Variants in HSD17B12 observed in about 807,000 individuals in gnomAD.
HSD17B12 encodes the protein hydroxysteroid 17-beta dehydrogenase 12, also known as very-long-chain 3-oxoacyl-CoA reductase.
A neutral mutation model predicts 39.3 loss-of-function variants in HSD17B12; 32 were observed. The ratio of observed to expected loss-of-function variants is 0.81; its 90% CI spans 0.61 to 1.09. HSD17B12 has a LOEUF of 1.09. HSD17B12 is among the 50% of genes least tolerant of loss of function. The pLI, the probability that HSD17B12 is intolerant of heterozygous loss-of-function variation, is 0.00. For missense variants in HSD17B12, 342 were observed against 382.9 expected, an observed-to-expected ratio of 0.89 and a Z score of 0.89; for synonymous variants, 150 against 146.7, an observed-to-expected ratio of 1.02 and a Z score of -0.16.
chr11:43,827,811 A>G (rs1474351668), intron 6 of HSD17B12, among the ~76,000 whole-genome samples: 1 of 152,230 alleles, frequency 6.6e-6, no homozygotes, highest in East Asian at 1.9e-4. Flanking sequence ...ACATTGCTAT[A>G]CCAGTAAATA....
chr11:43,677,949 G>C (rs759504700), upstream of HSD17B12, among the ~76,000 whole-genome samples: 2 of 152,230 alleles, frequency 1.3e-5, no homozygotes, highest in Non-Finnish European at 2.9e-5. Context: ...TATATACCCA[G>C]TAATGGGAAG....
At chr11:43,785,540 T>C (rs1950808014) in intron 3 of HSD17B12, among the ~76,000 whole-genome samples, 1 of 152,212 alleles carries the variant, frequency 6.6e-6, no homozygotes, top group South Asian at 2.1e-4. Context: ...TAGTTAGATT[T>C]GCATATCTAC....
the HSD17B12 span, chr11:43,645,980 CAAAA>C: frequency 4.9e-5 from 7 of 142,052 alleles, no homozygotes; most frequent in East Asian, 2.0e-4. Flanking sequence ...GACCCTGTCT[CAAAA>C]AAAAAAAAAA....
chr11:43,780,284 G>T (rs2093506127), intron 3 of HSD17B12, among the ~76,000 whole-genome samples: 1 of 152,158 alleles, frequency 6.6e-6, no homozygotes, highest in Non-Finnish European at 1.5e-5. Flanking sequence ...TCCTGCCTCA[G>T]CCTCCCAAGT....
In HSD17B12 at chr11:43,823,710, AT is replaced by A. The variant is rs58245670; in HGVS notation, c.502-7256del. On this transcript the variant is annotated intron_variant, in intron 6 of 10. Coordinates refer to ENST00000278353, the MANE Select transcript of HSD17B12 (RefSeq NM_016142.3). ...CTCGCATACGTAAGGTGCACAACAC[AT>A]TTTTTTTTTATTCTAAGAAATAATA... 9.7e-3 allele frequency among the ~76,000 whole-genome samples: 1,446 copies of A among 149,662 alleles called. 22 individuals carry two copies. The highest frequency in any genetic ancestry group is 0.025 in the African/African-American group (1,021 of 40,938).
chr11:43,682,965 T>G (rs7926355), intron 1 of HSD17B12, among the ~76,000 whole-genome samples: 74,815 of 151,498 alleles, frequency 0.49, 18,898 homozygotes, highest in Non-Finnish European at 0.53. Context: ...TCATTTTTTT[T>G]GTTTTTTGTA....
chr11:43,685,771 C>T (rs1316359014), intron 1 of HSD17B12, among the ~76,000 whole-genome samples: 3 of 152,162 alleles, frequency 2.0e-5, no homozygotes, highest in African/African-American at 4.8e-5. Context: ...TTTCTTTATA[C>T]CTACAAACTT....
rs367786482 is a variant in HSD17B12, at chr11:43,723,752, G to A, written c.161-27159G>A. Among the ~76,000 whole-genome samples, 4 of 152,334 alleles carry A rather than the reference G, an allele frequency of 2.6e-5. No individual in the cohort carries two copies. The South Asian group carries it at 6.2e-4, about 24-fold the overall frequency. On this transcript the variant is annotated intron_variant, in intron 1 of 10. Coordinates refer to ENST00000278353, the MANE Select transcript of HSD17B12 (RefSeq NM_016142.3). ...GTGAGGATGTTTATATTCCAGTGGT[G>A]TAGCTGAACCAGACAGGTCTGCAGC...
rs142309817 is a variant in HSD17B12 at position 43,783,600 on chromosome 11, C to T, written c.284-14720C>T. Among the ~76,000 whole-genome samples, 195 of 151,802 alleles carry T rather than the reference C, an allele frequency of 1.3e-3. 1 individual carries two copies. Among genetic ancestry groups the T allele is most frequent in the Admixed American group, 3.2e-3 (48 of 15,224 alleles). On this transcript the variant is annotated intron_variant, in intron 3 of 10. Coordinates refer to ENST00000278353, the MANE Select transcript of HSD17B12 (RefSeq NM_016142.3). ...CCTGAACAGGCCCTGGTGTGTGATG[C>T]GCCCTTCCCTGTGTCCATGTGTTCT...
chr11:43,712,783 A>G (rs1375474503), intron 1 of HSD17B12, among the ~76,000 whole-genome samples: 3 of 152,204 alleles, frequency 2.0e-5, no homozygotes, highest in African/African-American at 7.2e-5. Context: ...TTGAGTTCAC[A>G]ACGTTTACAA....
chr11:43,775,111 C>T (rs542768876), intron 3 of HSD17B12, among the ~76,000 whole-genome samples: 12 of 152,088 alleles, frequency 7.9e-5, no homozygotes, highest in South Asian at 4.2e-4. Context: ...GGTTATGTGA[C>T]GGGGAATGGC....
At chr11:43,726,388 G>A (rs964548159) in intron 1 of HSD17B12, among the ~76,000 whole-genome samples, 12 of 152,260 alleles carry the variant, frequency 7.9e-5, no homozygotes, top group South Asian at 6.2e-4. Flanking sequence ...CCTAAAGCCC[G>A]AGCAAAGGAA....
intron 1 of HSD17B12, among the ~76,000 whole-genome samples, chr11:43,700,068 A>G (rs1432513535): frequency 6.6e-6 from 1 of 152,130 alleles, no homozygotes; most frequent in Non-Finnish European, 1.5e-5. Flanking sequence ...AAGTTTGGGT[A>G]TTTATACACC....
intron 1 of HSD17B12, chr11:43,733,724 G>T: frequency 1.7e-6 from 1 of 578,964 alleles, no homozygotes. Context: ...AGGTCAGAGT[G>T]GAAGAAGGTG....
At chr11:43,814,350 A>G (rs891751791) in intron 4 of HSD17B12, among the ~76,000 whole-genome samples, 3 of 152,180 alleles carry the variant, frequency 2.0e-5, no homozygotes, top group African/African-American at 7.2e-5. Flanking sequence ...AAATAATAAT[A>G]GGAACTACCT....
At chr11:43,662,698 G>A in the HSD17B12 span, among the ~76,000 whole-genome samples, 2 of 152,154 alleles carry the variant, frequency 1.3e-5, no homozygotes, top group African/African-American at 4.8e-5. Context: ...ATCATGGAAA[G>A]GGTCAGAATA....
chr11:43,584,630 C>G, the HSD17B12 span: 1 of 152,300 alleles, frequency 6.6e-6, no homozygotes, highest in Admixed American at 6.5e-5. Flanking sequence ...TTCTCAAAGG[C>G]CACAGGTGAT....
chr11:43,665,956 G>A, the HSD17B12 span, among the ~76,000 whole-genome samples: 5 of 152,216 alleles, frequency 3.3e-5, no homozygotes, highest in Non-Finnish European at 7.3e-5. Context: ...GGAATGAGAA[G>A]TAGATGGAGT....
chr11:43,655,718 C>T, the HSD17B12 span, among the ~76,000 whole-genome samples: 62 of 152,110 alleles, frequency 4.1e-4, no homozygotes, highest in Non-Finnish European at 7.3e-4. Context: ...TATTGATTTT[C>T]GTATGTTGAA....
Sources: allele counts gnomAD v4.1 joint callset (sites outside exome capture counted in the v4.1 genomes callset), GRCh38; gene constraint gnomAD v4.1.1; transcripts MANE v1.5; gene names NCBI Gene and HGNC (gene_info 2026-07-23, HGNC 2026-07-21).